The following ZNRF1 variants were observed in gnomAD, a reference collection of about 807,000 sequenced individuals.
ZNRF1 encodes the protein E3 ubiquitin-protein ligase ZNRF1.
ZNRF1 carries 3 observed loss-of-function variants against 18.4 expected under a neutral mutation model. The observed-to-expected ratio is 0.16, with a 90% CI of 0.07 to 0.42. The LOEUF is 0.42. Ranked by LOEUF, ZNRF1 falls within the 10% of genes least tolerant of loss-of-function variation. The pLI, the probability that ZNRF1 is intolerant of heterozygous loss-of-function variation, is 0.99. For missense variants in ZNRF1, 310 were observed against 329.8 expected (o/e 0.94, Z 0.47); for synonymous variants, 157 against 144.2 (o/e 1.09, Z -0.64).
chr16:75,068,581 A>T (rs992915106), intron 1 of ZNRF1, among the ~76,000 whole-genome samples: 1 of 152,090 alleles, frequency 6.6e-6, no homozygotes, highest in Non-Finnish European at 1.5e-5. Flanking sequence ...CCAAAAAGCT[A>T]CAGACCCAGT....
At chr16:75,006,451 A>G (rs915842657) in intron 1 of ZNRF1, among the ~76,000 whole-genome samples, 4 of 152,120 alleles carry the variant, frequency 2.6e-5, no homozygotes, top group African/African-American at 7.2e-5. Context: ...TTGTTTGTTT[A>G]TTGAGACAGA....
At chr16:75,103,765 T>A (rs1451399675) in intron 2 of ZNRF1, among the ~76,000 whole-genome samples, 3 of 152,212 alleles carry the variant, frequency 2.0e-5, no homozygotes, top group Admixed American at 1.3e-4. Context: ...GGTGGGTGGA[T>A]CACGAGGTCA....
rs556543801 is a variant in ZNRF1 at position 75,105,028 on chromosome 16, C to T, written c.626+139C>T. On this transcript the variant is annotated intron_variant, in intron 3 of 4. Coordinates refer to ENST00000335325, the MANE Select transcript of ZNRF1 (RefSeq NM_032268.5). ...GCTCCGAGCGGGTAAGGGCAGAGGC[C>T]ATCAGACAGGTGTCCACTGTGCCGG... 3.5e-5 allele frequency: 24 copies of T among 683,800 alleles called. No individual in the cohort carries two copies. In the East Asian group the frequency reaches 4.2e-4, roughly 12 times the overall value. The allele number at this position is 683,800 out of a possible 1,614,324, so 42.4% of individuals were successfully genotyped here. A position where few individuals can be genotyped will look rare whatever the true frequency, so the allele number is the denominator to read the frequency against.
chr16:75,071,433 C>T (rs534914528), intron 1 of ZNRF1, among the ~76,000 whole-genome samples: 1 of 152,242 alleles, frequency 6.6e-6, no homozygotes, highest in African/African-American at 2.4e-5. Context: ...GTCTGGTTCT[C>T]CACAGAGACC....
intron 1 of ZNRF1, among the ~76,000 whole-genome samples, chr16:75,092,258 C>G (rs1300603938): frequency 6.6e-6 from 1 of 152,038 alleles, no homozygotes; most frequent in African/African-American, 2.4e-5. Flanking sequence ...ATTGAGTAGG[C>G]TGAAGAGGAG....
rs763118775 is a variant in ZNRF1 at position 75,000,019 on chromosome 16, G to T, written c.348G>T (p.Leu116=). The part of the protein sequence containing the change: ...TGGGHHRDGM[L]YLGSRASLAD... ...GCGGTCACCATAGAGACGGGATGCT[G>T]TACCTGGGCTCCCGAGCCTCGCTGG... is the stretch of plus-strand genomic sequence containing the variant. The change falls in exon 1 of 5, where the codon CTG becomes CTT. Residue 116 remains leucine, a synonymous_variant. Coordinates refer to ENST00000335325, the MANE Select transcript of ZNRF1 (RefSeq NM_032268.5). The T allele has an allele frequency of 6.3e-7, 1 of 1,593,694 alleles. No individual in the cohort carries two copies. The highest frequency in any genetic ancestry group is 8.5e-7 in the Non-Finnish European group (1 of 1,171,410).
rs373406060 is a variant in ZNRF1, at chr16:75,049,950, A to G, written c.425-43622A>G. 1.2e-4 allele frequency among the ~76,000 whole-genome samples: 19 copies of G among 152,102 alleles called. 2 individuals carry two copies. Among genetic ancestry groups the G allele is most frequent in the South Asian group, 1.2e-3 (6 of 4,812 alleles). On this transcript the variant is annotated intron_variant, in intron 1 of 4. Transcript: ENST00000335325. Reference sequence around the variant, plus strand: ...AGATAACTGTTCCACTACCTCACAGATCCCTAATGCTGCCCATTATAGTCA... The same window carrying G: ...AGATAACTGTTCCACTACCTCACAGGTCCCTAATGCTGCCCATTATAGTCA...
intron 1 of ZNRF1, among the ~76,000 whole-genome samples, chr16:75,057,689 G>T (rs146750421): frequency 6.6e-6 from 1 of 152,102 alleles, no homozygotes; most frequent in African/African-American, 2.4e-5. Flanking sequence ...CAGCTGGAGC[G>T]CAGTGGCACA....
chr16:75,013,457 C>T (rs2035026394), intron 1 of ZNRF1, among the ~76,000 whole-genome samples: 1 of 151,964 alleles, frequency 6.6e-6, no homozygotes. Context: ...AGCGATTCTT[C>T]TGCCTCAGCC....
At chr16:75,032,742 A>G (rs891322396) in intron 1 of ZNRF1, among the ~76,000 whole-genome samples, 3 of 152,094 alleles carry the variant, frequency 2.0e-5, no homozygotes, top group Admixed American at 6.6e-5. Flanking sequence ...TTTACAAAGG[A>G]CCAGATGCAG....
chr16:75,062,307 G>C (rs561288282), intron 1 of ZNRF1, among the ~76,000 whole-genome samples: 1 of 152,328 alleles, frequency 6.6e-6, no homozygotes, highest in Non-Finnish European at 1.5e-5. Flanking sequence ...GCAGAGGCCC[G>C]TGACCATCAA....
chr16:75,067,540 A>G (rs1356733379), intron 1 of ZNRF1, among the ~76,000 whole-genome samples: 2 of 152,220 alleles, frequency 1.3e-5, no homozygotes, highest in African/African-American at 4.8e-5. Context: ...CTTCAGAAAG[A>G]AGAGAAAAGG....
chr16:75,074,817 CA>C (rs2035918601), intron 1 of ZNRF1, among the ~76,000 whole-genome samples: 1 of 152,122 alleles, frequency 6.6e-6, no homozygotes, highest in South Asian at 2.1e-4. Context: ...CCTATAATCC[CA>C]GCTCTTTAGG....
chr16:75,022,435 G>A (rs1379320972), intron 1 of ZNRF1, among the ~76,000 whole-genome samples: 2 of 151,188 alleles, frequency 1.3e-5, no homozygotes, highest in South Asian at 2.1e-4. Flanking sequence ...GCATGGTGGC[G>A]GGCACCTGAA....
chr16:75,014,156 T>C (rs930498743), intron 1 of ZNRF1, among the ~76,000 whole-genome samples: 1 of 152,172 alleles, frequency 6.6e-6, no homozygotes, highest in East Asian at 1.9e-4. Context: ...AAAAATGAAA[T>C]ATTTTAGGCA....
At chr16:75,009,421 G>A (rs2034966387) in intron 1 of ZNRF1, among the ~76,000 whole-genome samples, 1 of 152,164 alleles carries the variant, frequency 6.6e-6, no homozygotes, top group Admixed American at 6.5e-5. Flanking sequence ...TTAGCGTAGT[G>A]TCCTCAAGGT....
At chr16:75,035,200 T>C (rs1567473228) in intron 1 of ZNRF1, among the ~76,000 whole-genome samples, 1 of 144,932 alleles carries the variant, frequency 6.9e-6, no homozygotes, top group Non-Finnish European at 1.5e-5. Context: ...TGCACAACTA[T>C]ATTTTGTAAT....
chr16:75,091,485 C>G (rs1411856515), intron 1 of ZNRF1, among the ~76,000 whole-genome samples: 1 of 151,490 alleles, frequency 6.6e-6, no homozygotes, highest in Non-Finnish European at 1.5e-5. Context: ...AACTCTTGAA[C>G]TACGTGGGAG....
chr16:75,092,827 A>T (rs1057502681), intron 1 of ZNRF1, among the ~76,000 whole-genome samples: 1 of 152,156 alleles, frequency 6.6e-6, no homozygotes, highest in African/African-American at 2.4e-5. Context: ...GAGCTGGGTG[A>T]GGGATGAGAT....
Sources: allele counts gnomAD v4.1 joint callset (sites outside exome capture counted in the v4.1 genomes callset), GRCh38; gene constraint gnomAD v4.1.1; transcripts MANE v1.5; gene names NCBI Gene and HGNC (gene_info 2026-07-23, HGNC 2026-07-21).